ST6GALNAC2: variants seen among roughly 807,000 people sequenced by gnomAD.
ST6GALNAC2 encodes the protein alpha-N-acetylgalactosaminide alpha-2,6-sialyltransferase 2.
ST6GALNAC2 carries 42 observed loss-of-function variants against 38.7 expected under a neutral mutation model. The ratio of observed to expected loss-of-function variants is 1.09; its 90% CI spans 0.85 to 1.40. The LOEUF (loss-of-function observed/expected upper bound fraction) is 1.40. ST6GALNAC2 is among the 40% of genes most tolerant of loss of function. ST6GALNAC2 has a pLI of 0.00. For synonymous variants in ST6GALNAC2, 233 were observed against 209.0 expected (o/e 1.11, Z -0.99); for missense variants, 506 against 481.7 (o/e 1.05, Z -0.47).
chr17:76,568,909 C>T lies in ST6GALNAC2; in HGVS notation c.774-113G>A, dbSNP rs557572664. ...GCCGCGGTACCCTGAGCGGTAGGAG[C>T]GGGGCTGGGAGTAGTAGCGGGAGAA... On this transcript the variant is annotated intron_variant, in intron 6 of 8. Coordinates refer to ENST00000225276, the MANE Select transcript of ST6GALNAC2 (RefSeq NM_006456.3). The T allele has an allele frequency of 7.5e-5, 73 of 975,388 alleles. 1 individual carries two copies. The Middle Eastern group carries it at 1.2e-3, about 16-fold the overall frequency. 60.4% of individuals were successfully genotyped at this position (975,388 alleles called of 1,614,324 possible). A position where few individuals can be genotyped will look rare whatever the true frequency, so the allele number is the denominator to read the frequency against.
In ST6GALNAC2 at chr17:76,568,785, T is replaced by G; in HGVS notation, c.785A>C (p.Tyr262Ser). The stretch of plus-strand genomic sequence containing the variant: ...ACTGGCAGAGGCTTCTGGTCCAAAA[T>G]AGGCGTGCGGCCTAGGACCCATGAT... ...GLDKGDRPHA[Y>S]FGPEASASKF... The change falls in exon 7 of 9, where the codon TAT (tyrosine) becomes TCT (serine). Residue 262 changes from tyrosine to serine, a missense_variant. Tyr to Ser is a moderately radical substitution (Grantham distance 144). Transcript: ENST00000225276. 1 of 1,613,168 alleles carries G rather than the reference T, an allele frequency of 6.2e-7. No individual in the cohort carries two copies. The highest frequency in any genetic ancestry group is 8.5e-7 in the Non-Finnish European group (1 of 1,179,954).
chr17:76,571,622 T>C (rs2143297400), intron 5 of ST6GALNAC2, among the ~76,000 whole-genome samples: 1 of 152,344 alleles, frequency 6.6e-6, no homozygotes, highest in East Asian at 1.9e-4. Flanking sequence ...AAAGCTGCTC[T>C]ATTTTGTTCC....
intron 6 of ST6GALNAC2, 165 bp from the exon 7 acceptor site, chr17:76,568,961 C>T (rs552517553): frequency 8.1e-5 from 50 of 619,990 alleles, no homozygotes; most frequent in African/African-American, 7.3e-4. Context: ...GCAGGCAGTA[C>T]GTTGGGGACC....
At chr17:76,580,515 A>G (rs7221075) in intron 1 of ST6GALNAC2, among the ~76,000 whole-genome samples, 114,311 of 151,876 alleles carry the variant, frequency 0.75, 43,322 homozygotes, top group East Asian at 0.84. Context: ...CTAACACGGT[A>G]AAACCCCATC....
chr17:76,580,148 C>T (rs763559089), intron 1 of ST6GALNAC2, among the ~76,000 whole-genome samples: 14 of 152,170 alleles, frequency 9.2e-5, no homozygotes, highest in African/African-American at 2.2e-4. Flanking sequence ...TGGCCAGGCA[C>T]GGTGGCTCAT....
intron 1 of ST6GALNAC2, among the ~76,000 whole-genome samples, chr17:76,579,235 G>T (rs2075450174): frequency 6.6e-6 from 1 of 152,158 alleles, no homozygotes; most frequent in African/African-American, 2.4e-5. Context: ...TCTTATTCTT[G>T]CCATGTCTTT....
rs749054317 is a variant in ST6GALNAC2, at chr17:76,567,454, T to C, written c.956A>G (p.Gln319Arg). 6.2e-7 allele frequency: 1 copy of C among 1,612,178 alleles called. No individual in the cohort carries two copies. The highest frequency in any genetic ancestry group is 2.2e-5 in the East Asian group (1 of 44,878). Residue 319 changes from glutamine to arginine, a missense_variant and splice_region_variant, in exon 8 of 9, where the codon CAG becomes CGG. Gln to Arg is a conservative substitution (Grantham distance 43, BLOSUM62 1). Coordinates refer to ENST00000225276, the MANE Select transcript of ST6GALNAC2 (RefSeq NM_006456.3). The part of the protein sequence containing the change: ...MLLTALHTCD[Q>R]VSAYGFITSN... ...CTTCTGGAAGAGAAGGCCTCTTACC[T>C]GGTCACAGGTATGCAAAGCTGTCAG... is the stretch of plus-strand genomic sequence containing the variant.
At chr17:76,567,959 G>T (rs985849749) in intron 7 of ST6GALNAC2, 3 of 194,490 alleles carry the variant, frequency 1.5e-5, no homozygotes, top group South Asian at 8.6e-5. Flanking sequence ...TGAGGCCAGG[G>T]TGTGACCACG....
chr17:76,569,046 G>C (rs1458020331), intron 6 of ST6GALNAC2: 2 of 264,806 alleles, frequency 7.6e-6, no homozygotes, highest in African/African-American at 3.3e-5. Flanking sequence ...TGAACAGACC[G>C]GGGGGAGTTG....
intron 6 of ST6GALNAC2, chr17:76,569,422 C>T (rs1483506831): frequency 2.5e-5 from 8 of 325,392 alleles, no homozygotes; most frequent in East Asian, 8.8e-5. Flanking sequence ...GGCAGCCCCG[C>T]GGGGCACGTG....
In ST6GALNAC2 at chr17:76,574,522, G is replaced by T. The variant is rs1187767949; in HGVS notation, c.204C>A (p.His68Gln). 1.2e-6 allele frequency: 2 copies of T among 1,610,902 alleles called. No individual in the cohort carries two copies. Residue 68 changes from histidine to glutamine, a missense_variant, in exon 3 of 9, where the codon CAC (histidine) becomes CAA (glutamine). Transcript: ENST00000225276. ...GCCGCTGAATGGCCAGGTGAAGCAG[G>T]TGTCGGCAGGCCTGGCCCTGTGGGT... is the stretch of plus-strand genomic sequence containing the variant. ...SWTGKGQACR[H>Q]LLHLAIQRHP...
chr17:76,571,499 C>T (rs1268838367), intron 5 of ST6GALNAC2, among the ~76,000 whole-genome samples: 1 of 152,230 alleles, frequency 6.6e-6, no homozygotes, highest in Non-Finnish European at 1.5e-5. Flanking sequence ...GAGGCTGAGG[C>T]AGGAGAATCG....
intron 2 of ST6GALNAC2, among the ~76,000 whole-genome samples, 169 bp from the exon 3 acceptor site, chr17:76,574,708 G>A (rs974631663): frequency 4.6e-5 from 7 of 151,198 alleles, no homozygotes; most frequent in African/African-American, 1.2e-4. Context: ...ACAGAGTCTC[G>A]CTCTGTCGCC....
intron 6 of ST6GALNAC2, 96 bp downstream of exon 6, chr17:76,570,469 C>T: frequency 1.2e-6 from 1 of 802,298 alleles, no homozygotes; most frequent in Non-Finnish European, 2.1e-6. Flanking sequence ...CCCACCTCCT[C>T]TTACCCCATG....
intron 1 of ST6GALNAC2, 161 bp from the exon 2 acceptor site, chr17:76,578,977 T>C (rs894482815): frequency 2.2e-5 from 11 of 508,862 alleles, no homozygotes; most frequent in South Asian, 2.1e-4. Flanking sequence ...TGGAGTACAG[T>C]GGTGCAATCT....
At chr17:76,567,846 C>T (rs563167732) in intron 7 of ST6GALNAC2, 3 of 341,482 alleles carry the variant, frequency 8.8e-6, no homozygotes, top group African/African-American at 4.2e-5. Flanking sequence ...TTTATTTAGC[C>T]TGAGACTGCA....
In ST6GALNAC2 at chr17:76,570,588, A is replaced by T. The variant is rs770178471; in HGVS notation, c.750T>A (p.Pro250=). ...LRSAILGVPV[P]EGLDKGDRPH... is the part of the protein sequence containing the mutation. ...ACCTGTCCCCTTTATCTAGGCCCTC[A>T]GGGACAGGCACGCCCAGAATGGCCG... The change falls in exon 6 of 9, where the codon CCT becomes CCA. Residue 250 remains proline (P), a synonymous_variant. Coordinates refer to ENST00000225276, the MANE Select transcript of ST6GALNAC2 (RefSeq NM_006456.3). The T allele has an allele frequency of 2.7e-5, 44 of 1,612,430 alleles. No homozygotes were observed. The highest frequency in any genetic ancestry group is 3.4e-5 in the Non-Finnish European group (40 of 1,179,390).
chr17:76,568,703 C>T lies in ST6GALNAC2; in HGVS notation c.857+10G>A, dbSNP rs1258381616. 3 of 1,613,644 alleles carry T rather than the reference C, an allele frequency of 1.9e-6. No homozygotes were observed. Among genetic ancestry groups the T allele is most frequent in the South Asian group, 1.1e-5 (1 of 91,068 alleles). On this transcript the variant is annotated intron_variant, in intron 7 of 8. Transcript: ENST00000225276. ...AGGGGACGCTGTTCTTCAGGCACCC[C>T]ACTCCGTACCTTTCTGTCAGGTAGC...
intron 2 of ST6GALNAC2, among the ~76,000 whole-genome samples, chr17:76,577,812 A>G (rs979005756): frequency 6.6e-6 from 1 of 151,880 alleles, no homozygotes; most frequent in Admixed American, 6.6e-5. Flanking sequence ...AACTCAGGCA[A>G]TCTGCCCACC....
Sources: allele counts gnomAD v4.1 joint callset (sites outside exome capture counted in the v4.1 genomes callset), GRCh38; gene constraint gnomAD v4.1.1; transcripts MANE v1.5; gene names NCBI Gene and HGNC (gene_info 2026-07-23, HGNC 2026-07-21).